NUCB2: variants seen among roughly 807,000 people sequenced by gnomAD.
The protein encoded by NUCB2 is nucleobindin-2.
Under a neutral mutation model 57.9 loss-of-function variants are expected in NUCB2, and 48 were observed. The observed-to-expected ratio is 0.83, with a 90% CI of 0.66 to 1.05. The LOEUF (loss-of-function observed/expected upper bound fraction) is 1.05. Ranked by LOEUF, NUCB2 falls within the 50% of genes least tolerant of loss-of-function variation. The probability of loss-of-function intolerance (pLI) is 0.00; values close to 1 mark genes in which losing one functional copy is unlikely to be tolerated. For missense variants in NUCB2, 442 were observed against 476.2 expected, an observed-to-expected ratio of 0.93 and a Z score of 0.67; for synonymous variants, 139 against 152.1, an observed-to-expected ratio of 0.91 and a Z score of 0.64.
intron 11 of NUCB2, among the ~76,000 whole-genome samples, chr11:17,329,902 A>G (rs1951172942): frequency 6.6e-6 from 1 of 152,088 alleles, no homozygotes; most frequent in Non-Finnish European, 1.5e-5. Context: ...CTTTGCCTTT[A>G]GTTGTCAATC....
chr11:17,348,319 GTTTTTTTTTTTTTTT>G (rs55741571), intron 2 of NUCB2, among the ~76,000 whole-genome samples: 4 of 84,470 alleles, frequency 4.7e-5, no homozygotes, highest in African/African-American at 1.5e-4. Flanking sequence ...TTGTTTTTGT[GTTTTTTTTTTTTTTT>G]TTTTTTTTTT....
chr11:17,301,867 C>A lies in NUCB2; in HGVS notation c.376C>A (p.Gln126Lys), dbSNP rs1477339803. 1 of 1,610,630 alleles carries A rather than the reference C, an allele frequency of 6.2e-7. No homozygotes were observed. Among genetic ancestry groups the A allele is most frequent in the African/African-American group, 1.3e-5 (1 of 74,746 alleles). The change falls in exon 5 of 14, where the codon CAA becomes AAA. Residue 126 changes from glutamine (Q) to lysine (K), a missense_variant. Physicochemically the swap from Gln to Lys is moderately conservative, Grantham distance 53. Coordinates refer to ENST00000529010, the MANE Select transcript of NUCB2 (RefSeq NM_005013.4). ...MLIKAKLDSL[Q>K]DIGMDHQALL... ...AATTAAAGCTAAGTTGGATTCCCTT[C>A]AAGGTAAGTGCTAAACAAAAGGTAG...
downstream of NUCB2, among the ~76,000 whole-genome samples, chr11:17,335,431 G>T (rs943390698): frequency 3.3e-5 from 5 of 151,914 alleles, no homozygotes; most frequent in African/African-American, 1.2e-4. Flanking sequence ...ATTCAGAAAA[G>T]AATTACTAAG....
chr11:17,334,712 C>T (rs911422669), downstream of NUCB2, among the ~76,000 whole-genome samples: 22 of 152,042 alleles, frequency 1.4e-4, no homozygotes, highest in Admixed American at 3.9e-4. Context: ...ATGGTGAAAC[C>T]CCATCTCTAC....
At chr11:17,345,223 C>T (rs937445740) in intron 2 of NUCB2, among the ~76,000 whole-genome samples, 2 of 151,394 alleles carry the variant, frequency 1.3e-5, no homozygotes, top group African/African-American at 4.9e-5. Context: ...TCCATTATTG[C>T]TTTTTTTTAA....
At chr11:17,306,280 C>A (rs1438902004) in intron 5 of NUCB2, among the ~76,000 whole-genome samples, 1 of 152,146 alleles carries the variant, frequency 6.6e-6, no homozygotes, top group Non-Finnish European at 1.5e-5. Context: ...TCTAAAACTT[C>A]AGATTGCATG....
intron 11 of NUCB2, among the ~76,000 whole-genome samples, chr11:17,324,343 T>C (rs1054203175): frequency 1.3e-5 from 2 of 152,238 alleles, no homozygotes; most frequent in Non-Finnish European, 1.5e-5. Context: ...TTAATTTCCA[T>C]GTGTTTGTAT....
chr11:17,316,441 T>C (rs1385202900), intron 11 of NUCB2, among the ~76,000 whole-genome samples: 1 of 152,214 alleles, frequency 6.6e-6, no homozygotes, highest in African/African-American at 2.4e-5. Flanking sequence ...GGCTGTAGCA[T>C]AATTTATATA....
At chr11:17,303,540 A>G (rs537729748) in intron 5 of NUCB2, among the ~76,000 whole-genome samples, 127 of 152,360 alleles carry the variant, frequency 8.3e-4, no homozygotes, top group Admixed American at 1.5e-3. Flanking sequence ...ATTTTAGGCT[A>G]TGAGAAGATT....
At chr11:17,331,066 C>G in intron 13 of NUCB2, 83 bp downstream of exon 13, 1 of 921,556 alleles carries the variant, frequency 1.1e-6, no homozygotes, top group Non-Finnish European at 1.7e-6. Flanking sequence ...AATATAATTT[C>G]AAATCATTAA....
rs1948375960 is a variant in NUCB2 at position 17,310,818 on chromosome 11, A to G, written c.484-7A>G. On this transcript the variant is annotated splice_region_variant and splice_polypyrimidine_tract_variant and intron_variant, in intron 6 of 13. Coordinates refer to ENST00000529010, the MANE Select transcript of NUCB2 (RefSeq NM_005013.4). ...TTATTTAACTTAAATGCATTATTGC[A>G]TTTCAGGCAACAAGTGATCTGGAAC... is the stretch of plus-strand genomic sequence containing the variant. 6.4e-7 allele frequency: 1 copy of G among 1,570,510 alleles called. No individual in the cohort carries two copies. The highest frequency in any genetic ancestry group is 8.6e-7 in the Non-Finnish European group (1 of 1,166,554).
chr11:17,339,061 C>T (rs1307189531), intron 2 of NUCB2, among the ~76,000 whole-genome samples: 3 of 152,094 alleles, frequency 2.0e-5, no homozygotes, highest in African/African-American at 7.2e-5. Flanking sequence ...AATCTTGCCT[C>T]ACTGCAGCCT....
downstream of NUCB2, among the ~76,000 whole-genome samples, chr11:17,337,150 A>G (rs1453635961): frequency 1.3e-5 from 2 of 152,134 alleles, no homozygotes; most frequent in Non-Finnish European, 2.9e-5. Flanking sequence ...TATGTTGCCC[A>G]GGCTGGCTTC....
intron 10 of NUCB2, among the ~76,000 whole-genome samples, chr11:17,313,883 A>G (rs1404475774): frequency 2.0e-5 from 3 of 151,834 alleles, no homozygotes; most frequent in Middle Eastern, 3.4e-3. Context: ...TCCTTAAGTG[A>G]TAGTGTGGAG....
At chr11:17,287,536 G>A (rs1943970008) in intron 2 of NUCB2, among the ~76,000 whole-genome samples, 1 of 151,858 alleles carries the variant, frequency 6.6e-6, no homozygotes, top group Non-Finnish European at 1.5e-5. Context: ...AGCAGGGCAT[G>A]GTGGCGCACA....
At chr11:17,337,622 C>G (rs1362620878) in intron 2 of NUCB2, 1 of 152,066 alleles carries the variant, frequency 6.6e-6, no homozygotes, top group Non-Finnish European at 1.5e-5. Flanking sequence ...TGAAGGAAAT[C>G]AGACCTTTCC....
intron 11 of NUCB2, among the ~76,000 whole-genome samples, chr11:17,327,712 T>G (rs1950873491): frequency 6.6e-6 from 1 of 152,250 alleles, no homozygotes; most frequent in South Asian, 2.1e-4. Context: ...ATTAAGAGAC[T>G]CCGATGCATT....
intron 1 of NUCB2, among the ~76,000 whole-genome samples, chr11:17,282,319 CA>C (rs1202306785): frequency 6.8e-6 from 1 of 147,862 alleles, no homozygotes; most frequent in Non-Finnish European, 1.5e-5. Flanking sequence ...AGTGCAGTGG[CA>C]TCATTTCGGT....
At chr11:17,303,079 C>A (rs1947033017) in intron 5 of NUCB2, among the ~76,000 whole-genome samples, 1 of 152,078 alleles carries the variant, frequency 6.6e-6, no homozygotes, top group African/African-American at 2.4e-5. Flanking sequence ...TATGGTCTTG[C>A]TGTGTTGCCC....
Sources: allele counts gnomAD v4.1 joint callset (sites outside exome capture counted in the v4.1 genomes callset), GRCh38; gene constraint gnomAD v4.1.1; transcripts MANE v1.5; gene names NCBI Gene and HGNC (gene_info 2026-07-23, HGNC 2026-07-21).